Variants in ECSCR observed in about 807,000 individuals in gnomAD.
The protein encoded by ECSCR is endothelial cell-specific chemotaxis regulator.
A neutral mutation model predicts 16.7 loss-of-function variants in ECSCR; 12 were observed. That is an observed-to-expected ratio of 0.72 (90% CI 0.46 to 1.17). The LOEUF is 1.17. Among genes scored for constraint, ECSCR ranks in the 50% most tolerant of loss-of-function variants. ECSCR has a pLI of 0.00. For synonymous variants in ECSCR, 44 were observed against 42.2 expected, an observed-to-expected ratio of 1.04 and a Z score of -0.17; for missense variants, 122 against 116.1, an observed-to-expected ratio of 1.05 and a Z score of -0.23.
At position 139,462,671 on chromosome 5, in the gene ECSCR, G is replaced by A. The variant is rs551534214; in HGVS notation, c.-1C>T. On this transcript the variant is annotated 5_prime_UTR_variant, in exon 1 of 10. Transcript: ENST00000618155. ...GCTGCATGGCTCCTGCGGTGCCCAT[G>A]TCAGCTGGGTATGTGGCGGGCAGGC... 19 of 1,566,648 alleles carry A rather than the reference G, an allele frequency of 1.2e-5. No homozygotes were observed. The highest frequency in any genetic ancestry group is 1.5e-5 in the Non-Finnish European group (17 of 1,154,624).
rs1158939444 is a variant in ECSCR at position 139,454,833 on chromosome 5, T to C, written c.467A>G (p.Glu156Gly). ...SLRFKCRKSK[E>G]SEDPQKPGSS... is the part of the protein sequence containing the mutation. ...GAGGGCAGGGCACGCACCTTCAGAC[T>C]CCTTGCTCTTCCGACACTTGAACCT... Residue 156 changes from glutamate to glycine, a missense_variant, in exon 7 of 10, where the codon GAG becomes GGG. Glu to Gly is a moderately conservative substitution (Grantham distance 98, BLOSUM62 -2). Transcript: ENST00000618155. 2.5e-6 allele frequency: 1 copy of C among 398,350 alleles called. No homozygotes were observed. The highest frequency in any genetic ancestry group is 4.4e-6 in the Non-Finnish European group (1 of 226,160). The allele number at this position is 398,350 out of a possible 1,614,324, so 24.7% of individuals were successfully genotyped here. A position where few individuals can be genotyped will look rare whatever the true frequency, so the allele number is the denominator to read the frequency against.
intron 8 of ECSCR, among the ~76,000 whole-genome samples, chr5:139,451,573 TGTG>T (rs1387743928): frequency 2.1e-5 from 3 of 140,516 alleles, no homozygotes; most frequent in Non-Finnish European, 4.7e-5. Context: ...GTGTGTGTGG[TGTG>T]GTGTGTGTGT....
intron 8 of ECSCR, among the ~76,000 whole-genome samples, chr5:139,451,038 C>T (rs901864362): frequency 6.6e-6 from 1 of 152,014 alleles, no homozygotes; most frequent in African/African-American, 2.4e-5. Context: ...CCTGTCCTGC[C>T]CACCCCAGCC....
chr5:139,457,675 C>G (rs976755298), intron 3 of ECSCR, 71 bp from the exon 4 acceptor site: 7 of 1,533,258 alleles, frequency 4.6e-6, no homozygotes, highest in Non-Finnish European at 6.3e-6. Context: ...CCTGTCCCAC[C>G]CAAGAACCCC....
chr5:139,448,911 G>A lies in ECSCR; in HGVS notation c.610-3C>T, dbSNP rs1330795200. Reference sequence around the variant, plus strand: ...ACCCAAAGTTGCTTTTAAAGAACCTGCAAAATAAATGCATAATGGGGAAGG... The same window carrying A: ...ACCCAAAGTTGCTTTTAAAGAACCTACAAAATAAATGCATAATGGGGAAGG... On this transcript the variant is annotated splice_polypyrimidine_tract_variant and splice_region_variant and intron_variant, in intron 9 of 9. Coordinates refer to ENST00000618155, the MANE Select transcript of ECSCR (RefSeq NM_001077693.4). 19 of 1,537,216 alleles carry A rather than the reference G, an allele frequency of 1.2e-5. No homozygotes were observed. Among genetic ancestry groups the A allele is most frequent in the Non-Finnish European group, 1.7e-5 (19 of 1,146,908 alleles).
rs959802483 is a variant in ECSCR, at chr5:139,456,204, A to G, written c.262+270T>C. 1.4e-3 allele frequency among the ~76,000 whole-genome samples: 209 copies of G among 152,288 alleles called. 5 individuals carry two copies. In the East Asian group the frequency reaches 0.035, roughly 26 times the overall value. ...CAGCTACTCAGGAGGAGGAGGTTGCAGAGAGCCGGGATCGCACCGCTGCAC... is the reference window on the plus strand; with the variant it reads ...CAGCTACTCAGGAGGAGGAGGTTGCGGAGAGCCGGGATCGCACCGCTGCAC... On this transcript the variant is annotated intron_variant, in intron 5 of 9. Transcript: ENST00000618155.
chr5:139,457,681 AC>A, intron 3 of ECSCR, 75 bp downstream of exon 3: 1 of 1,550,310 alleles, frequency 6.5e-7, no homozygotes, highest in African/African-American at 1.4e-5. Context: ...CCACCCAAGA[AC>A]CCCTGGGCTC....
At chr5:139,455,590 C>T (rs1751139608) in intron 5 of ECSCR, among the ~76,000 whole-genome samples, 154 bp from the exon 6 acceptor site, 2 of 152,080 alleles carry the variant, frequency 1.3e-5, no homozygotes, top group South Asian at 4.1e-4. Context: ...CTGTATTGTG[C>T]CAGGGTTGAG....
At chr5:139,454,726 C>T (rs1402387411) in intron 7 of ECSCR, 88 bp from the exon 8 acceptor site, 8 of 398,252 alleles carry the variant, frequency 2.0e-5, no homozygotes, top group African/African-American at 8.2e-5. Context: ...GGGGACCCTC[C>T]GGCTCATGGA....
intron 7 of ECSCR, 51 bp from the exon 8 acceptor site, chr5:139,454,689 G>T (rs1751118820): frequency 2.3e-5 from 9 of 398,358 alleles, no homozygotes; most frequent in Non-Finnish European, 4.0e-5. Flanking sequence ...TAACTCAGAA[G>T]TCCAGCCTTC....
intron 1 of ECSCR, among the ~76,000 whole-genome samples, chr5:139,458,994 C>A (rs566364685): frequency 6.6e-6 from 1 of 152,254 alleles, no homozygotes; most frequent in Non-Finnish European, 1.5e-5. Flanking sequence ...GACTCAATAG[C>A]AACATCACCA....
At chr5:139,458,505 A>G (rs1751216586) in intron 1 of ECSCR, among the ~76,000 whole-genome samples, 9 of 8,518 alleles carry the variant, frequency 1.1e-3, no homozygotes, top group African/African-American at 1.7e-3. Context: ...CTCAACAAAA[A>G]AAAAAAAAAA....
At chr5:139,460,584 C>T (rs1751277145) in intron 1 of ECSCR, among the ~76,000 whole-genome samples, 1 of 152,208 alleles carries the variant, frequency 6.6e-6, no homozygotes, top group Non-Finnish European at 1.5e-5. Flanking sequence ...CTTCAAGACC[C>T]TGCTCTTTCT....
chr5:139,456,203 C>T (rs928332332), intron 5 of ECSCR, among the ~76,000 whole-genome samples: 2 of 152,204 alleles, frequency 1.3e-5, no homozygotes, highest in Admixed American at 6.5e-5. Flanking sequence ...GAGGAGGTTG[C>T]AGAGAGCCGG....
chr5:139,457,827 G>A lies in ECSCR; in HGVS notation c.107-20C>T. ...GGCCTCCTGAAACAGAACATCTGAG[G>A]CTGAGGGGTGCACCGCCTCCTACTG... On this transcript the variant is annotated intron_variant, in intron 2 of 9. Transcript: ENST00000618155. 1 of 1,596,824 alleles carries A rather than the reference G, an allele frequency of 6.3e-7. No homozygotes were observed. Among genetic ancestry groups the A allele is most frequent in the Non-Finnish European group, 8.5e-7 (1 of 1,171,670 alleles).
intron 4 of ECSCR, 107 bp from the exon 5 acceptor site, chr5:139,456,625 TTCTC>T (rs1259939498): frequency 5.0e-6 from 2 of 396,208 alleles, no homozygotes; most frequent in Non-Finnish European, 8.9e-6. Flanking sequence ...CTCTAGCTCT[TTCTC>T]AGCCTTTTCT....
At chr5:139,459,049 A>G (rs924520089) in intron 1 of ECSCR, among the ~76,000 whole-genome samples, 8 of 152,168 alleles carry the variant, frequency 5.3e-5, no homozygotes, top group East Asian at 1.9e-4. Flanking sequence ...TGTCTCTTCA[A>G]TCTGACATGG....
chr5:139,458,089 C>T (rs1751199458), intron 2 of ECSCR, 50 bp downstream of exon 2: 1 of 1,531,244 alleles, frequency 6.5e-7, no homozygotes, highest in South Asian at 1.2e-5. Flanking sequence ...CTCACCCTTC[C>T]TAAGCTCCTA....
intron 8 of ECSCR, among the ~76,000 whole-genome samples, chr5:139,454,221 G>A (rs1270923337): frequency 6.8e-6 from 1 of 147,136 alleles, no homozygotes; most frequent in Non-Finnish European, 1.5e-5. Context: ...AGGTGTGTGG[G>A]AGTGTGTGTG....
Sources: gnomAD v4.1 joint callset for allele counts (sites outside exome capture counted in the v4.1 genomes callset) on GRCh38, gnomAD v4.1.1 for gene constraint, MANE v1.5 for transcripts, NCBI Gene and HGNC (gene_info 2026-07-23, HGNC 2026-07-21) for gene names.